NPAS3: variants seen among roughly 807,000 people sequenced by gnomAD.
NPAS3 encodes neuronal PAS domain protein 3.
A neutral mutation model predicts 73.1 loss-of-function variants in NPAS3; 14 were observed. The observed-to-expected ratio is 0.19, with a 90% CI of 0.13 to 0.30. NPAS3 has a LOEUF of 0.30. Among genes scored for constraint, NPAS3 ranks in the 10% least tolerant of loss-of-function variants. The pLI is 1.00. For synonymous variants in NPAS3, 620 were observed against 541.5 expected (o/e 1.14, Z -2.01); for missense variants, 1,096 against 1,250.0 (o/e 0.88, Z 1.86).
At chr14:33,392,631 A>G (rs558859371) in intron 4 of NPAS3, among the ~76,000 whole-genome samples, 2 of 152,160 alleles carry the variant, frequency 1.3e-5, no homozygotes, top group African/African-American at 4.8e-5. Context: ...TTCAGTTATG[A>G]CTATTTCCAT....
At chr14:33,542,545 A>G (rs1356038490) in intron 4 of NPAS3, among the ~76,000 whole-genome samples, 2 of 151,886 alleles carry the variant, frequency 1.3e-5, no homozygotes, top group African/African-American at 2.4e-5. Context: ...ATTTTTTTTC[A>G]GTTCCCTTTT....
At chr14:33,328,541 A>G (rs1350269937) in intron 3 of NPAS3, among the ~76,000 whole-genome samples, 2 of 124,212 alleles carry the variant, frequency 1.6e-5, no homozygotes, top group African/African-American at 6.4e-5. Flanking sequence ...ATCTTGGCTC[A>G]CTGCAACCTC....
intron 5 of NPAS3, among the ~76,000 whole-genome samples, chr14:33,576,926 A>G (rs1363176145): frequency 6.6e-6 from 1 of 152,220 alleles, no homozygotes; most frequent in Non-Finnish European, 1.5e-5. Flanking sequence ...TCTCTTTGAA[A>G]GAGATTTGGG....
chr14:33,755,313 C>T (rs549722411), intron 7 of NPAS3, among the ~76,000 whole-genome samples: 1 of 152,218 alleles, frequency 6.6e-6, no homozygotes, highest in South Asian at 2.1e-4. Context: ...ATGTTTATCA[C>T]AAGTAATTGA....
chr14:33,182,292 T>C, intron 2 of NPAS3, among the ~76,000 whole-genome samples: 1 of 152,190 alleles, frequency 6.6e-6, no homozygotes, highest in East Asian at 1.9e-4. Context: ...TCAACAAACA[T>C]AGTAGTATGA....
intron 3 of NPAS3, among the ~76,000 whole-genome samples, chr14:33,278,473 A>G (rs537255832): frequency 1.3e-5 from 2 of 151,646 alleles, no homozygotes; most frequent in Non-Finnish European, 2.9e-5. Context: ...TGATAGGACA[A>G]TAGGAAGATT....
intron 5 of NPAS3, among the ~76,000 whole-genome samples, chr14:33,611,925 T>A (rs2140052124): frequency 6.6e-6 from 1 of 152,300 alleles, no homozygotes; most frequent in African/African-American, 2.4e-5. Flanking sequence ...ATCATACTTT[T>A]AAAAAATTAA....
intron 3 of NPAS3, among the ~76,000 whole-genome samples, chr14:33,327,809 G>A (rs1036968021): frequency 1.3e-5 from 2 of 152,164 alleles, no homozygotes; most frequent in Non-Finnish European, 2.9e-5. Context: ...TGGCTGGACC[G>A]GAGAGTGCAT....
At chr14:33,254,960 T>TAA (rs113569307) in intron 3 of NPAS3, among the ~76,000 whole-genome samples, 5 of 146,548 alleles carry the variant, frequency 3.4e-5, no homozygotes, top group African/African-American at 1.0e-4. Flanking sequence ...GAGGAATTTG[T>TAA]AAAAAAAAAA....
intron 4 of NPAS3, among the ~76,000 whole-genome samples, chr14:33,401,127 C>T (rs1439719196): frequency 6.6e-6 from 1 of 151,800 alleles, no homozygotes; most frequent in Non-Finnish European, 1.5e-5. Flanking sequence ...AATCATTTTC[C>T]CCTTCAGAGC....
At chr14:32,949,617 C>T (rs2036402857) in intron 1 of NPAS3, among the ~76,000 whole-genome samples, 5 of 151,950 alleles carry the variant, frequency 3.3e-5, no homozygotes. Context: ...CATTAACTCT[C>T]TTAAAGTAAT....
chr14:32,939,444 C>T (rs2035873163), intron 1 of NPAS3, 78 bp downstream of exon 1: 4 of 422,392 alleles, frequency 9.5e-6, no homozygotes, highest in African/African-American at 4.3e-5. Context: ...GAGGGCCCCT[C>T]TCCGCAGCCC....
intron 2 of NPAS3, among the ~76,000 whole-genome samples, chr14:33,084,445 G>A (rs745774314): frequency 5.9e-5 from 9 of 152,166 alleles, no homozygotes; most frequent in Admixed American, 2.0e-4. Flanking sequence ...GTAATCAAAC[G>A]TAGTATAAGA....
intron 4 of NPAS3, among the ~76,000 whole-genome samples, chr14:33,407,817 T>G (rs915916649): frequency 6.6e-6 from 1 of 152,162 alleles, no homozygotes; most frequent in Admixed American, 6.6e-5. Context: ...GAGAAGTTAA[T>G]GCAATCCCAA....
Position 33,197,553 on chromosome 14 carries a change from C to A in NPAS3, c.141-17629C>A, listed in dbSNP as rs58433891. ...AAAAAAAGAGAAGGCCACAGATGCTCCTGTAATGGAAGCAAAAATGAAAAG... is the reference window on the plus strand; with the variant it reads ...AAAAAAAGAGAAGGCCACAGATGCTACTGTAATGGAAGCAAAAATGAAAAG... On this transcript the variant is annotated intron_variant, in intron 2 of 11. Transcript: ENST00000356141. Among the ~76,000 whole-genome samples the A allele has an allele frequency of 2.0e-5, 3 of 152,112 alleles. No homozygotes were observed. The East Asian group carries it at 5.8e-4, about 29-fold the overall frequency.
chr14:33,289,817 G>A (rs530331833), intron 3 of NPAS3, among the ~76,000 whole-genome samples: 61 of 91,214 alleles, frequency 6.7e-4, no homozygotes, highest in African/African-American at 2.1e-3. Context: ...GCAAGACTCC[G>A]TCTCAAAAAA....
chr14:33,276,959 A>G (rs148714945), intron 3 of NPAS3, among the ~76,000 whole-genome samples: 172 of 152,244 alleles, frequency 1.1e-3, no homozygotes, highest in African/African-American at 3.5e-3. Context: ...TGTGCCTACT[A>G]TGTAAACATA....
At chr14:33,309,579 T>A (rs2042917721) in intron 3 of NPAS3, among the ~76,000 whole-genome samples, 1 of 152,166 alleles carries the variant, frequency 6.6e-6, no homozygotes, top group Non-Finnish European at 1.5e-5. Flanking sequence ...TGGAGTAGTT[T>A]GTAAAGCAAC....
At chr14:33,315,340 A>G (rs2043165647) in intron 3 of NPAS3, among the ~76,000 whole-genome samples, 1 of 152,078 alleles carries the variant, frequency 6.6e-6, no homozygotes, top group South Asian at 2.1e-4. Flanking sequence ...TATTAGTTGT[A>G]GGTTTCTGAG....
Sources: allele counts gnomAD v4.1 joint callset (sites outside exome capture counted in the v4.1 genomes callset), GRCh38; gene constraint gnomAD v4.1.1; transcripts MANE v1.5; gene names NCBI Gene and HGNC (gene_info 2026-07-23, HGNC 2026-07-21).